Variants in KDM1B observed in about 807,000 individuals in gnomAD.
KDM1B encodes the protein lysine demethylase 1B.
KDM1B carries 63 observed loss-of-function variants against 107.4 expected under a neutral mutation model. That is an observed-to-expected ratio of 0.59 (90% CI 0.48 to 0.72). The LOEUF (loss-of-function observed/expected upper bound fraction) is 0.72, where lower values mean the gene tolerates loss of function less well. KDM1B is among the 30% of genes least tolerant of loss of function. KDM1B has a pLI of 0.00. For synonymous variants in KDM1B, 363 were observed against 363.9 expected, an observed-to-expected ratio of 1.00 and a Z score of 0.03; for missense variants, 749 against 1,020.8, an observed-to-expected ratio of 0.73 and a Z score of 3.63.
rs1789866351 is a variant in KDM1B at position 18,222,843 on chromosome 6, ACTT to A, written c.*855_*857del. ...GAATAATTTAACCAAGCCCCTCTCC[ACTT>A]CTTTTATTTAAAAGCACTGATTCAA... On this transcript the variant is annotated 3_prime_UTR_variant, in exon 22 of 22. Transcript: ENST00000650836. 1 of 152,552 alleles carries A rather than the reference ACTT, an allele frequency of 6.6e-6. No homozygotes were observed. The highest frequency in any genetic ancestry group is 2.4e-5 in the African/African-American group (1 of 41,430). The allele number at this position is 152,552 out of a possible 1,614,324, so 9.4% of individuals were successfully genotyped here.
Position 18,172,895 on chromosome 6 carries a change from G to A in KDM1B, c.534+1416G>A, listed in dbSNP as rs1226102166. On this transcript the variant is annotated intron_variant, in intron 7 of 21. Coordinates refer to ENST00000650836, the MANE Select transcript of KDM1B (RefSeq NM_001364614.2). The surrounding 1 kb of genome is among the most constrained non-coding windows in gnomAD (Gnocchi z 5.2). ...ACCCGAGGTCAGGAGTTCAAGACCAGCCTGGCCAACATGTTGAAACCCTGT... is the reference window on the plus strand; with the variant it reads ...ACCCGAGGTCAGGAGTTCAAGACCAACCTGGCCAACATGTTGAAACCCTGT... Among the ~76,000 whole-genome samples, 3 of 152,012 alleles carry A rather than the reference G, an allele frequency of 2.0e-5. No homozygotes were observed. The highest frequency in any genetic ancestry group is 7.2e-5 in the African/African-American group (3 of 41,384).
At chr6:18,210,316 T>C (rs2151013580) in intron 17 of KDM1B, among the ~76,000 whole-genome samples, 1 of 141,008 alleles carries the variant, frequency 7.1e-6, no homozygotes, top group Non-Finnish European at 1.6e-5. Flanking sequence ...CCCAAGGCTT[T>C]TCTTTCTTTT....
rs1240698723 is a variant in KDM1B, at chr6:18,214,706, TTGAGACCAG to T, written c.2110-299_2110-291del. Among the ~76,000 whole-genome samples the T allele has an allele frequency of 1.3e-5, 2 of 152,194 alleles. No individual in the cohort carries two copies. Among genetic ancestry groups the T allele is most frequent in the Admixed American group, 6.5e-5 (1 of 15,292 alleles). On this transcript the variant is annotated intron_variant, in intron 19 of 21. Transcript: ENST00000650836. The surrounding 1 kb of genome is among the most constrained non-coding windows in gnomAD (Gnocchi z 4.4). ...GGGTGGATCACCTGAGGTCAGGAGT[TTGAGACCAG>T]TCTGGCCAACATGGTGAAACCCTGT...
intron 21 of KDM1B, 114 bp from the exon 22 acceptor site, chr6:18,221,784 GAATATGAGCAC>G: frequency 1.3e-6 from 1 of 746,444 alleles, no homozygotes; most frequent in South Asian, 1.8e-5. Context: ...GGGTGAGTGT[GAATATGAGCAC>G]ACAGGAGTGG....
Position 18,191,355 on chromosome 6 carries a change from C to T in KDM1B, c.943C>T (p.Leu315Phe). ...TMYLALRNLI[L>F]ALWYTNCKEA... ...GTACCTGGCTTTGAGAAACCTCATCCTCGCACTGTGGTATACTAACTGCAA... is the reference window on the plus strand; with the variant it reads ...GTACCTGGCTTTGAGAAACCTCATCTTCGCACTGTGGTATACTAACTGCAA... Residue 315 changes from leucine to phenylalanine, a missense_variant, in exon 10 of 22, where the codon CTC (leucine) becomes TTC (phenylalanine). By Grantham distance (22) the Leu-to-Phe change is conservative. Coordinates refer to ENST00000650836, the MANE Select transcript of KDM1B (RefSeq NM_001364614.2). This position sits in a 1 kb window ranked among gnomAD's most constrained non-coding sequence, Gnocchi z 5.1. 6.4e-7 allele frequency: 1 copy of T among 1,551,040 alleles called. No homozygotes were observed.
Position 18,187,900 on chromosome 6 carries a change from G to C in KDM1B, c.682G>C (p.Val228Leu), listed in dbSNP as rs1386762665. 1 of 1,550,320 alleles carries C rather than the reference G, an allele frequency of 6.5e-7. No individual in the cohort carries two copies. The highest frequency in any genetic ancestry group is 8.7e-7 in the Non-Finnish European group (1 of 1,146,984). Residue 228 changes from valine to leucine, a missense_variant, in exon 9 of 22, where the codon GTT becomes CTT. Coordinates refer to ENST00000650836, the MANE Select transcript of KDM1B (RefSeq NM_001364614.2). ...PLLSAYYPDC[V>L]GMSPSCTSTN... ...GCTGTCTGCCTACTACCCTGACTGT[G>C]TTGGCATGAGCCCCTCCTGCACCAG...
At chr6:18,177,712 C>T (rs1786118955) in intron 7 of KDM1B, among the ~76,000 whole-genome samples, 1 of 151,502 alleles carries the variant, frequency 6.6e-6, no homozygotes, top group Non-Finnish European at 1.5e-5. Context: ...CCTGGCACCA[C>T]ACCTGTTTTG....
At chr6:18,157,381 C>T (rs1420546811) in intron 2 of KDM1B, among the ~76,000 whole-genome samples, 1 of 152,068 alleles carries the variant, frequency 6.6e-6, no homozygotes, top group Non-Finnish European at 1.5e-5. Context: ...TTAACCATTT[C>T]TTGAATTCTT....
intron 15 of KDM1B, 146 bp from the exon 16 acceptor site, chr6:18,207,252 C>CT (rs1788440755): frequency 1.5e-6 from 1 of 672,566 alleles, no homozygotes; most frequent in African/African-American, 1.8e-5. Flanking sequence ...TTTCCTCCCC[C>CT]AGTGGTGGTC....
rs1046052674 is a variant in KDM1B at position 18,203,353 on chromosome 6, T to C, written c.1531+1696T>C. Among the ~76,000 whole-genome samples the C allele has an allele frequency of 2.0e-5, 3 of 152,180 alleles. No individual in the cohort carries two copies. Among genetic ancestry groups the C allele is most frequent in the African/African-American group, 7.2e-5 (3 of 41,452 alleles). On this transcript the variant is annotated intron_variant, in intron 14 of 21. Transcript: ENST00000650836. This position sits in a 1 kb window ranked among gnomAD's most constrained non-coding sequence, Gnocchi z 5.5. ...TTACTGTGTAAGTGGGTATTTCATC[T>C]TATCAATAGCTTGTTTAAAAGCTTT...
chr6:18,188,612 T>C (rs1787049869), intron 9 of KDM1B, among the ~76,000 whole-genome samples: 2 of 152,036 alleles, frequency 1.3e-5, no homozygotes, highest in African/African-American at 4.8e-5. Context: ...TACTTTATTT[T>C]TTATTTTATT....
intron 7 of KDM1B, among the ~76,000 whole-genome samples, chr6:18,182,659 G>A (rs950579219): frequency 2.0e-5 from 3 of 151,856 alleles, no homozygotes; most frequent in Admixed American, 6.6e-5. Flanking sequence ...ACCTGACTCA[G>A]CCTCTCACCA....
intron 2 of KDM1B, among the ~76,000 whole-genome samples, chr6:18,158,768 A>G (rs1020710940): frequency 1.3e-5 from 2 of 152,178 alleles, no homozygotes; most frequent in African/African-American, 4.8e-5. Flanking sequence ...TTAATCTTTC[A>G]TAGCTGCTAC....
intron 21 of KDM1B, 60 bp downstream of exon 21, chr6:18,217,945 A>G: frequency 6.4e-7 from 1 of 1,552,474 alleles, no homozygotes; most frequent in Non-Finnish European, 8.8e-7. Context: ...TTCATCTAAA[A>G]TGATATCTGC....
intron 10 of KDM1B, among the ~76,000 whole-genome samples, chr6:18,194,669 AT>A (rs1335300877): frequency 2.0e-5 from 3 of 150,892 alleles, no homozygotes; most frequent in Non-Finnish European, 4.4e-5. Context: ...TTTCCTTCTT[AT>A]TTTTTTTAAA....
At chr6:18,220,519 C>A (rs1305221083) in intron 21 of KDM1B, among the ~76,000 whole-genome samples, 1 of 152,156 alleles carries the variant, frequency 6.6e-6, no homozygotes, top group Non-Finnish European at 1.5e-5. Flanking sequence ...GCACTCCAGC[C>A]TGGGAGACAG....
intron 7 of KDM1B, among the ~76,000 whole-genome samples, chr6:18,179,538 A>C (rs1201971820): frequency 6.6e-6 from 1 of 152,178 alleles, no homozygotes; most frequent in Admixed American, 6.5e-5. Context: ...TAGGAATTAC[A>C]AATTCAGTTT....
Position 18,172,208 on chromosome 6 carries a change from T to C in KDM1B, c.534+729T>C, listed in dbSNP as rs1166005141. ...TGTTATAATGTGCCTTTTTTGAAAT[T>C]TGGCAATTACTTACTGTTTAAAAAC... On this transcript the variant is annotated intron_variant, in intron 7 of 21. Coordinates refer to ENST00000650836, the MANE Select transcript of KDM1B (RefSeq NM_001364614.2). This position sits in a 1 kb window ranked among gnomAD's most constrained non-coding sequence, Gnocchi z 5.2. Among the ~76,000 whole-genome samples the C allele has an allele frequency of 1.3e-5, 2 of 152,202 alleles. No homozygotes were observed. The highest frequency in any genetic ancestry group is 4.8e-5 in the African/African-American group (2 of 41,444).
chr6:18,207,357 G>A (rs1316702087), intron 15 of KDM1B, 41 bp from the exon 16 acceptor site: 4 of 1,603,224 alleles, frequency 2.5e-6, no homozygotes, highest in Non-Finnish European at 1.7e-6. Flanking sequence ...ACAGGCACAA[G>A]GATTTACACT....
Sources: gnomAD v4.1 joint callset for allele counts (sites outside exome capture counted in the v4.1 genomes callset) on GRCh38, gnomAD v4.1.1 for gene constraint, Gnocchi (gnomAD v3.1) non-coding constraint, MANE v1.5 for transcripts, NCBI Gene and HGNC (gene_info 2026-07-23, HGNC 2026-07-21) for gene names.